The following KIF27 variants were observed in gnomAD, a reference collection of about 807,000 sequenced individuals.
KIF27 encodes the protein kinesin family member 27.
In KIF27, 84 loss-of-function variants were observed where a neutral mutation model predicts 141.8. The ratio of observed to expected loss-of-function variants is 0.59; its 90% CI spans 0.50 to 0.71. The LOEUF is 0.71. KIF27 is among the 30% of genes least tolerant of loss of function. The pLI, the probability that KIF27 is intolerant of heterozygous loss-of-function variation, is 0.00. For missense variants in KIF27, 1,306 were observed against 1,628.4 expected (o/e 0.80, Z 3.41); for synonymous variants, 471 against 569.5 (o/e 0.83, Z 2.46).
chr9:83,905,625 G>C (rs1331022568), intron 3 of KIF27, among the ~76,000 whole-genome samples: 1 of 152,136 alleles, frequency 6.6e-6, no homozygotes, highest in Non-Finnish European at 1.5e-5. Context: ...TTAAAGTCCT[G>C]TAAGTCATAG....
At chr9:83,851,348 G>T (rs1023598192) in intron 15 of KIF27, among the ~76,000 whole-genome samples, 48 of 152,100 alleles carry the variant, frequency 3.2e-4, no homozygotes, top group Non-Finnish European at 5.7e-4. Flanking sequence ...TGGGTGTTTT[G>T]TTGTTGTTGT....
intron 4 of KIF27, among the ~76,000 whole-genome samples, chr9:83,901,864 T>G (rs1953937228): frequency 6.6e-6 from 1 of 151,722 alleles, no homozygotes; most frequent in Non-Finnish European, 1.5e-5. Context: ...AGAGCAAGAT[T>G]CCATCTCAAA....
rs117807173 is a variant in KIF27, at chr9:83,871,297, A to C, written c.2644-665T>G. Among the ~76,000 whole-genome samples the C allele has an allele frequency of 4.6e-3, 696 of 152,328 alleles. 1 individual carries two copies. The highest frequency in any genetic ancestry group is 7.2e-3 in the Admixed American group (110 of 15,304). On this transcript the variant is annotated intron_variant, in intron 11 of 17. Coordinates refer to ENST00000297814, the MANE Select transcript of KIF27 (RefSeq NM_017576.4). Reference sequence around the variant, plus strand: ...GATTATTTCAATACATATAACGTATAGTGATCAGACCAGGATAATTAGCAT... The same window carrying C: ...GATTATTTCAATACATATAACGTATCGTGATCAGACCAGGATAATTAGCAT...
intron 5 of KIF27, among the ~76,000 whole-genome samples, chr9:83,892,370 A>G (rs1952768066): frequency 6.6e-6 from 1 of 152,108 alleles, no homozygotes; most frequent in African/African-American, 2.4e-5. Context: ...ATTGCCTGGG[A>G]AAAGGATAAA....
chr9:83,852,440 G>A (rs1182330952), intron 15 of KIF27, among the ~76,000 whole-genome samples: 10 of 147,740 alleles, frequency 6.8e-5, no homozygotes, highest in African/African-American at 2.3e-4. Flanking sequence ...GCGACAGAGC[G>A]AGACTCTGTC....
intron 1 of KIF27, among the ~76,000 whole-genome samples, chr9:83,916,916 G>C (rs931967849): frequency 6.6e-6 from 1 of 151,926 alleles, no homozygotes; most frequent in African/African-American, 2.4e-5. Flanking sequence ...GCCTGTCTTG[G>C]CCTCCCAAAG....
chr9:83,861,242 C>G (rs1188357209), intron 13 of KIF27, among the ~76,000 whole-genome samples: 17 of 151,728 alleles, frequency 1.1e-4, no homozygotes, highest in Admixed American at 9.2e-4. Flanking sequence ...AGGTTTGTTA[C>G]ATATGTATAC....
intron 16 of KIF27, among the ~76,000 whole-genome samples, chr9:83,844,917 C>T (rs1394677688): frequency 1.3e-5 from 2 of 152,310 alleles, no homozygotes; most frequent in East Asian, 1.9e-4. Context: ...GAAGGCAGCA[C>T]ATTCCTCATT....
intron 2 of KIF27, among the ~76,000 whole-genome samples, chr9:83,909,688 C>T (rs750016012): frequency 8.7e-5 from 13 of 150,158 alleles, no homozygotes; most frequent in Non-Finnish European, 1.5e-5. Flanking sequence ...TTAAGTGGCA[C>T]AGGTGGATTT....
chr9:83,899,833 T>C (rs771475026), intron 4 of KIF27, 29 bp from the exon 5 acceptor site: 2 of 1,580,852 alleles, frequency 1.3e-6, no homozygotes, highest in South Asian at 1.2e-5. Flanking sequence ...ACAAGTGACA[T>C]TCACCACAGA....
In KIF27 at chr9:83,859,326, G is replaced by A. The variant is rs201841310; in HGVS notation, c.2980C>T (p.Leu994=). Residue 994 remains leucine (L), a synonymous_variant, in exon 14 of 18, where the codon CTG becomes TTG. Transcript: ENST00000297814. ...TTCTTTTCAGACAACTCTTGTTCCA[G>A]TAAGTTCAGGCGAGTTGATATTTTC... is the stretch of plus-strand genomic sequence containing the variant. ...SLKISTRLNL[L]EQELSEKNVQ... The A allele has an allele frequency of 1.2e-5, 19 of 1,613,848 alleles. No homozygotes were observed. Among genetic ancestry groups the A allele is most frequent in the Non-Finnish European group, 6.8e-6 (8 of 1,179,926 alleles).
intron 1 of KIF27, among the ~76,000 whole-genome samples, chr9:83,918,180 C>A (rs1336328511): frequency 6.6e-6 from 1 of 151,784 alleles, no homozygotes; most frequent in Non-Finnish European, 1.5e-5. Context: ...GAAGCTAAGG[C>A]GGGAGATTGG....
intron 11 of KIF27, chr9:83,880,037 A>C: frequency 1.9e-6 from 1 of 523,978 alleles, no homozygotes; most frequent in Non-Finnish European, 3.3e-6. Context: ...GACAGCTTCA[A>C]TTAAAGTTAG....
intron 12 of KIF27, chr9:83,868,444 T>C (rs1950536787): frequency 6.6e-6 from 1 of 152,090 alleles, no homozygotes; most frequent in South Asian, 2.1e-4. Context: ...GAAAGCCAAT[T>C]TGCATTGTAG....
At chr9:83,901,571 T>C (rs1953890066) in intron 4 of KIF27, among the ~76,000 whole-genome samples, 1 of 152,182 alleles carries the variant, frequency 6.6e-6, no homozygotes, top group African/African-American at 2.4e-5. Flanking sequence ...ATTCTACTCT[T>C]ACTAAAATTT....
At chr9:83,914,114 A>T (rs77907116) in intron 2 of KIF27, among the ~76,000 whole-genome samples, 4 of 151,718 alleles carry the variant, frequency 2.6e-5, no homozygotes, top group Admixed American at 6.6e-5. Flanking sequence ...TAAAAAAAAA[A>T]GATAGCTATA....
intron 4 of KIF27, among the ~76,000 whole-genome samples, chr9:83,902,307 G>A (rs1953999996): frequency 6.6e-6 from 1 of 152,100 alleles, no homozygotes; most frequent in East Asian, 1.9e-4. Context: ...TGGAAGCTGG[G>A]AACCATGTTG....
chr9:83,852,627 A>C (rs1409164106), intron 15 of KIF27, among the ~76,000 whole-genome samples: 1 of 152,142 alleles, frequency 6.6e-6, no homozygotes, highest in African/African-American at 2.4e-5. Flanking sequence ...TCACAGAATT[A>C]TAATTTTATT....
chr9:83,898,743 C>T (rs1233708221), intron 5 of KIF27: 1 of 151,984 alleles, frequency 6.6e-6, no homozygotes, highest in East Asian at 1.9e-4. Context: ...ATCACTGAGC[C>T]CAGGAGTTCG....
Sources: gnomAD v4.1 joint callset for allele counts (sites outside exome capture counted in the v4.1 genomes callset) on GRCh38, gnomAD v4.1.1 for gene constraint, MANE v1.5 for transcripts, NCBI Gene and HGNC (gene_info 2026-07-23, HGNC 2026-07-21) for gene names.